The following NIPAL3 variants were observed in gnomAD, a reference collection of about 807,000 sequenced individuals.
The protein encoded by NIPAL3 is NIPA-like protein 3.
Under a neutral mutation model 47.2 loss-of-function variants are expected in NIPAL3, and 41 were observed. The ratio of observed to expected loss-of-function variants is 0.87; its 90% CI spans 0.68 to 1.13. The LOEUF is 1.13. Ranked by LOEUF, NIPAL3 falls within the 50% of genes most tolerant of loss-of-function variation. The pLI is 0.00. For missense variants in NIPAL3, 449 were observed against 530.1 expected (o/e 0.85, Z 1.50); for synonymous variants, 194 against 209.6 (o/e 0.93, Z 0.64).
In NIPAL3 at chr1:24,454,169, G is replaced by C. The variant is rs1305360180; in HGVS notation, c.637+665G>C. On this transcript the variant is annotated intron_variant, in intron 7 of 11. Coordinates refer to ENST00000374399, the MANE Select transcript of NIPAL3 (RefSeq NM_020448.5). This position sits in a 1 kb window ranked among gnomAD's most constrained non-coding sequence, Gnocchi z 4.1. Reference sequence around the variant, plus strand: ...GGCCTCCCAAAGTGCCAGGATTACAGGCATGAGGCCCTGTACCTGGCTAGA... The same window carrying C: ...GGCCTCCCAAAGTGCCAGGATTACACGCATGAGGCCCTGTACCTGGCTAGA... The C allele has an allele frequency of 2.4e-6, 3 of 1,234,392 alleles. No individual in the cohort carries two copies. In the African/African-American group the frequency reaches 4.8e-5, roughly 20 times the overall value. 76.5% of individuals were successfully genotyped at this position (1,234,392 alleles called of 1,614,324 possible).
chr1:24,449,550 C>T lies in NIPAL3; in HGVS notation c.464C>T (p.Ala155Val). ...GGTACCTACCTGCTGGTGACATTCG[C>T]ACCCAACAGTCACGAGAAGATGACA... Reference protein sequence around the residue: ...VVGTYLLVTFAPNSHEKMTGE... With the variant: ...VVGTYLLVTFVPNSHEKMTGE... The change falls in exon 6 of 12, where the codon GCA (alanine) becomes GTA (valine). Residue 155 changes from alanine to valine, a missense_variant. Coordinates refer to ENST00000374399, the MANE Select transcript of NIPAL3 (RefSeq NM_020448.5). This position sits in a 1 kb window ranked among gnomAD's most constrained non-coding sequence, Gnocchi z 4.5. 1 of 1,614,102 alleles carries T rather than the reference C, an allele frequency of 6.2e-7. No individual in the cohort carries two copies. Among genetic ancestry groups the T allele is most frequent in the Non-Finnish European group, 8.5e-7 (1 of 1,180,008 alleles).
chr1:24,460,902 C>T (rs1646439386), intron 10 of NIPAL3, among the ~76,000 whole-genome samples: 1 of 151,998 alleles, frequency 6.6e-6, no homozygotes, highest in African/African-American at 2.4e-5. Flanking sequence ...ATGAGGAGGC[C>T]CGCCTACTAC....
At chr1:24,463,583 G>C (rs1479067484) in intron 10 of NIPAL3, among the ~76,000 whole-genome samples, 2 of 152,190 alleles carry the variant, frequency 1.3e-5, no homozygotes, top group East Asian at 3.9e-4. Flanking sequence ...AACCTGGAAG[G>C]CTATACACCT....
intron 11 of NIPAL3, chr1:24,466,146 C>T: frequency 1.3e-6 from 2 of 1,541,344 alleles, no homozygotes; most frequent in Admixed American, 3.8e-5. Context: ...AGCCCCTGAC[C>T]TCCAGGAACT....
intron 3 of NIPAL3, 30 bp from the exon 4 acceptor site, chr1:24,442,025 A>G: frequency 6.2e-7 from 1 of 1,607,858 alleles, no homozygotes; most frequent in Non-Finnish European, 8.5e-7. Flanking sequence ...CAAACATCTG[A>G]GCAAATTGCA....
At chr1:24,463,916 C>A in intron 10 of NIPAL3, 110 bp from the exon 11 acceptor site, 1 of 880,604 alleles carries the variant, frequency 1.1e-6, no homozygotes. Flanking sequence ...GAGCCCTCCT[C>A]CGCAGCCTGC....
At chr1:24,418,920 G>GT (rs57731517) in intron 1 of NIPAL3, among the ~76,000 whole-genome samples, 1,835 of 133,832 alleles carry the variant, frequency 0.014, 11 homozygotes, top group East Asian at 0.02. Context: ...TAGTGGAATT[G>GT]TTTTTTTTTT....
At position 24,445,209 on chromosome 1, in the gene NIPAL3, T is replaced by C. The variant is rs768594360; in HGVS notation, c.359T>C (p.Phe120Ser). ...GCTAGTGCCATCATAGGAATCATATTCATCAAGGAAAAGTGGAAACCGAAA... is the reference window on the plus strand; with the variant it reads ...GCTAGTGCCATCATAGGAATCATATCCATCAAGGAAAAGTGGAAACCGAAA... The part of the protein sequence containing the change: ...VIASAIIGII[F>S]IKEKWKPKDF... Residue 120 changes from phenylalanine to serine, a missense_variant, in exon 5 of 12, where the codon TTC (phenylalanine) becomes TCC (serine). Phe to Ser is a radical substitution (Grantham distance 155). Coordinates refer to ENST00000374399, the MANE Select transcript of NIPAL3 (RefSeq NM_020448.5). 1.2e-6 allele frequency: 2 copies of C among 1,612,686 alleles called. No homozygotes were observed. Among genetic ancestry groups the C allele is most frequent in the Non-Finnish European group, 1.7e-6 (2 of 1,178,672 alleles).
intron 2 of NIPAL3, among the ~76,000 whole-genome samples, chr1:24,438,912 G>A (rs1165003132): frequency 6.6e-6 from 1 of 152,170 alleles, no homozygotes; most frequent in African/African-American, 2.4e-5. Context: ...CTTTGACCCA[G>A]CAATTCCACT....
Position 24,461,332 on chromosome 1 carries a change from G to A in NIPAL3, c.926+788G>A, listed in dbSNP as rs556647895. ...CGAGGCAGGTGGATTACCTGAGGTC[G>A]GGAGTTTGAGACCAGCCTGACCAAC... On this transcript the variant is annotated intron_variant, in intron 10 of 11. Coordinates refer to ENST00000374399, the MANE Select transcript of NIPAL3 (RefSeq NM_020448.5). Among the ~76,000 whole-genome samples the A allele has an allele frequency of 8.4e-3, 1,273 of 151,244 alleles. 23 individuals are homozygous for A. Among genetic ancestry groups the A allele is most frequent in the African/African-American group, 0.029 (1,199 of 40,860 alleles).
At chr1:24,429,244 T>C (rs1465301255) in intron 2 of NIPAL3, among the ~76,000 whole-genome samples, 6 of 152,146 alleles carry the variant, frequency 3.9e-5, no homozygotes, top group African/African-American at 1.2e-4. Context: ...ACCCCGTCTC[T>C]ACTAAAAATG....
At chr1:24,434,501 G>A (rs182526262) in intron 2 of NIPAL3, among the ~76,000 whole-genome samples, 2 of 152,236 alleles carry the variant, frequency 1.3e-5, no homozygotes, top group African/African-American at 2.4e-5. Flanking sequence ...CTTGAATAGC[G>A]TATACCCCAC....
At chr1:24,444,619 G>T (rs931555789) in intron 4 of NIPAL3, among the ~76,000 whole-genome samples, 1 of 152,254 alleles carries the variant, frequency 6.6e-6, no homozygotes, top group Non-Finnish European at 1.5e-5. Flanking sequence ...AACTAGGGTA[G>T]TGAGTGATCC....
Position 24,449,534 on chromosome 1 carries a change from C to G in NIPAL3, c.448C>G (p.Leu150Val), listed in dbSNP as rs769873723. ...GCGLAVVGTY[L>V]LVTFAPNSHE... Reference sequence around the variant, plus strand: ...CGGTTTGGCTGTCGTGGGTACCTACCTGCTGGTGACATTCGCACCCAACAG... The same window carrying G: ...CGGTTTGGCTGTCGTGGGTACCTACGTGCTGGTGACATTCGCACCCAACAG... The change falls in exon 6 of 12, where the codon CTG becomes GTG. Residue 150 changes from leucine (L) to valine (V), a missense_variant. By Grantham distance (32) the Leu-to-Val change is conservative. Coordinates refer to ENST00000374399, the MANE Select transcript of NIPAL3 (RefSeq NM_020448.5). This position sits in a 1 kb window ranked among gnomAD's most constrained non-coding sequence, Gnocchi z 4.5. 8 of 1,614,068 alleles carry G rather than the reference C, an allele frequency of 5.0e-6. No individual in the cohort carries two copies. The South Asian group carries it at 8.8e-5, about 18-fold the overall frequency.
At chr1:24,462,942 T>TA (rs1235939139) in intron 10 of NIPAL3, among the ~76,000 whole-genome samples, 1 of 152,068 alleles carries the variant, frequency 6.6e-6, no homozygotes, top group Non-Finnish European at 1.5e-5. Context: ...CCATCTCTAC[T>TA]AAAAATACAA....
In NIPAL3 at chr1:24,449,791, C is replaced by G. The variant is rs898927899; in HGVS notation, c.540+165C>G. Among the ~76,000 whole-genome samples the G allele has an allele frequency of 3.9e-5, 6 of 152,132 alleles. No individual in the cohort carries two copies. The highest frequency in any genetic ancestry group is 2.0e-4 in the Admixed American group (3 of 15,284). ...AGAGTACACAGCTCATGGCGAAATGCTTGTTTCATTTATGTAATATCAAAA... is the reference window on the plus strand; with the variant it reads ...AGAGTACACAGCTCATGGCGAAATGGTTGTTTCATTTATGTAATATCAAAA... On this transcript the variant is annotated intron_variant, in intron 6 of 11. Coordinates refer to ENST00000374399, the MANE Select transcript of NIPAL3 (RefSeq NM_020448.5). The surrounding 1 kb of genome is among the most constrained non-coding windows in gnomAD (Gnocchi z 4.5).
At chr1:24,464,275 G>A in intron 11 of NIPAL3, 155 bp downstream of exon 11, 1 of 523,112 alleles carries the variant, frequency 1.9e-6, no homozygotes, top group East Asian at 3.3e-5. Flanking sequence ...TGTGCAAAAG[G>A]GTAGGCAATG....
In NIPAL3 at chr1:24,468,145, C is replaced by T. The variant is rs193026964; in HGVS notation, c.1022-841C>T. 1.3e-3 allele frequency among the ~76,000 whole-genome samples: 199 copies of T among 151,842 alleles called. 2 individuals carry two copies. Among genetic ancestry groups the T allele is most frequent in the South Asian group, 6.4e-3 (31 of 4,812 alleles). On this transcript the variant is annotated intron_variant, in intron 11 of 11. Transcript: ENST00000374399. ...ACATGCTGAAACCCCATCTCTCCCC[C>T]TCAAAAAAACCCACAAAAAATTAGC... is the stretch of plus-strand genomic sequence containing the variant.
chr1:24,420,599 G>GT (rs1644284386), intron 2 of NIPAL3, among the ~76,000 whole-genome samples: 1 of 152,004 alleles, frequency 6.6e-6, no homozygotes. Flanking sequence ...ATATCTCCTT[G>GT]TTTTTTTCTA....
Sources: gnomAD v4.1 joint callset for allele counts (sites outside exome capture counted in the v4.1 genomes callset) on GRCh38, gnomAD v4.1.1 for gene constraint, Gnocchi (gnomAD v3.1) non-coding constraint, MANE v1.5 for transcripts, NCBI Gene and HGNC (gene_info 2026-07-23, HGNC 2026-07-21) for gene names.